PCDHGB3: variants seen among roughly 807,000 people sequenced by gnomAD.
PCDHGB3 encodes protocadherin gamma-B3.
PCDHGB3 carries 40 observed loss-of-function variants against 59.2 expected under a neutral mutation model. The ratio of observed to expected loss-of-function variants is 0.68; its 90% CI spans 0.52 to 0.88. PCDHGB3 has a LOEUF of 0.88. PCDHGB3 is among the 40% of genes least tolerant of loss of function. PCDHGB3 has a pLI of 0.00. For missense variants in PCDHGB3, 1,309 were observed against 1,187.9 expected, an observed-to-expected ratio of 1.10 and a Z score of -1.50; for synonymous variants, 581 against 503.6, an observed-to-expected ratio of 1.15 and a Z score of -2.06.
chr5:141,507,631 C>A (rs1435446169), intron 3 of PCDHGB3, among the ~76,000 whole-genome samples: 1 of 152,236 alleles, frequency 6.6e-6, no homozygotes, highest in Non-Finnish European at 1.5e-5. Context: ...TGTGGCCTTG[C>A]GCCCTGAGGC....
intron 1 of PCDHGB3, among the ~76,000 whole-genome samples, chr5:141,407,384 G>A (rs911492449): frequency 1.3e-5 from 2 of 152,182 alleles, no homozygotes; most frequent in Non-Finnish European, 2.9e-5. Flanking sequence ...AGGCTTGTAT[G>A]TCATGGTAGG....
chr5:141,419,119 C>T lies in PCDHGB3; in HGVS notation c.2415+46310C>T. 2.5e-6 allele frequency: 4 copies of T among 1,613,896 alleles called. No individual in the cohort carries two copies. The South Asian group carries it at 3.3e-5, about 13-fold the overall frequency. Reference sequence around the variant, plus strand: ...GGGAGCAGACCCCAGAGTACAACGTCACCATCGCAGCCACAGACAGGGGCA... The same window carrying T: ...GGGAGCAGACCCCAGAGTACAACGTTACCATCGCAGCCACAGACAGGGGCA... On this transcript the variant is annotated intron_variant, in intron 1 of 3. Coordinates refer to ENST00000576222, the MANE Select transcript of PCDHGB3 (RefSeq NM_018924.5).
chr5:141,482,530 C>CAAAAAAAAAAA (rs3074545), intron 1 of PCDHGB3, among the ~76,000 whole-genome samples: 21 of 76,546 alleles, frequency 2.7e-4, no homozygotes, highest in African/African-American at 4.8e-4. Context: ...GACAGACATG[C>CAAAAAAAAAAA]AAAAAAAAAA....
chr5:141,380,753 C>T (rs976627974), intron 1 of PCDHGB3, among the ~76,000 whole-genome samples: 2 of 152,104 alleles, frequency 1.3e-5, no homozygotes, highest in Non-Finnish European at 2.9e-5. Context: ...GGTACCAAGA[C>T]ACTATAAATT....
intron 1 of PCDHGB3, chr5:141,392,827 A>G: frequency 2.5e-6 from 4 of 1,601,944 alleles, no homozygotes; most frequent in Non-Finnish European, 3.4e-6. Flanking sequence ...GCCGCTCCAC[A>G]GAGTCGCCCC....
chr5:141,413,485 G>C lies in PCDHGB3; in HGVS notation c.2415+40676G>C, dbSNP rs184712199. ...CCGGGAGGAGCTCTGCGCTCAGAGC[G>C]CGCGGTGCGTGGTGAGTTTTAATAT... is the stretch of plus-strand genomic sequence containing the variant. On this transcript the variant is annotated intron_variant, in intron 1 of 3. Coordinates refer to ENST00000576222, the MANE Select transcript of PCDHGB3 (RefSeq NM_018924.5). 439 of 1,614,058 alleles carry C rather than the reference G, an allele frequency of 2.7e-4. 1 individual carries two copies. In the African/African-American group the frequency reaches 4.6e-3, roughly 17 times the overall value.
chr5:141,417,875 G>A, intron 1 of PCDHGB3: 1 of 1,556,360 alleles, frequency 6.4e-7, no homozygotes, highest in South Asian at 1.2e-5. Flanking sequence ...AGGGAGCTGC[G>A]CGCAGAGGCG....
chr5:141,462,183 C>A (rs1439465872), intron 1 of PCDHGB3, among the ~76,000 whole-genome samples: 1 of 152,158 alleles, frequency 6.6e-6, no homozygotes. Flanking sequence ...TGGTCTTGAA[C>A]TCCTGACCTC....
At chr5:141,399,532 C>G (rs552966531) in intron 1 of PCDHGB3, 28 of 1,614,066 alleles carry the variant, frequency 1.7e-5, no homozygotes, top group Non-Finnish European at 2.2e-5. Flanking sequence ...CTCCATCGCG[C>G]AAGTCTGCGC....
At chr5:141,415,066 C>A in intron 1 of PCDHGB3, 1 of 1,613,410 alleles carries the variant, frequency 6.2e-7, no homozygotes, top group Non-Finnish European at 8.5e-7. Flanking sequence ...GGGCGAGGTG[C>A]GCACGGCGCG....
intron 1 of PCDHGB3, among the ~76,000 whole-genome samples, chr5:141,443,131 A>G (rs1042010214): frequency 7.2e-5 from 11 of 152,144 alleles, no homozygotes; most frequent in Non-Finnish European, 1.6e-4. Context: ...GATTAAGAAC[A>G]CTATCATAAG....
chr5:141,420,492 TC>T (rs1172385190), intron 1 of PCDHGB3: 8 of 508,012 alleles, frequency 1.6e-5, no homozygotes, highest in Non-Finnish European at 1.8e-5. Flanking sequence ...ATGGGTAATC[TC>T]CGGTGACATT....
chr5:141,403,049 T>A, intron 1 of PCDHGB3: 1 of 1,614,056 alleles, frequency 6.2e-7, no homozygotes, highest in Non-Finnish European at 8.5e-7. Context: ...TCAGATTCGC[T>A]ACTCAGTGCC....
In PCDHGB3 at chr5:141,432,091, C is replaced by A. The variant is rs370491149; in HGVS notation, c.2415+59282C>A. ...CTCATATCTCGCTGAACGTGGCAGA[C>A]ACCAACGACAACCCGCCGGTCTTCC... On this transcript the variant is annotated intron_variant, in intron 1 of 3. Coordinates refer to ENST00000576222, the MANE Select transcript of PCDHGB3 (RefSeq NM_018924.5). This position sits in a 1 kb window ranked among gnomAD's most constrained non-coding sequence, Gnocchi z 6.0. 6.2e-7 allele frequency: 1 copy of A among 1,614,056 alleles called. No individual in the cohort carries two copies. Among genetic ancestry groups the A allele is most frequent in the African/African-American group, 1.3e-5 (1 of 74,908 alleles).
intron 1 of PCDHGB3, chr5:141,382,848 A>G (rs543706507): frequency 5.5e-4 from 813 of 1,490,648 alleles, no homozygotes; most frequent in Non-Finnish European, 6.7e-4. Flanking sequence ...ATACACCCGC[A>G]TTCTGAAGCA....
chr5:141,477,845 GT>G lies in PCDHGB3; in HGVS notation c.2416-16961del, dbSNP rs1562065234. ...ATATCCTCGGCCAGGTGGGAGCTCG[GT>G]GGAGATGCTGCCTCGAGGTACCTCA... is the stretch of plus-strand genomic sequence containing the variant. On this transcript the variant is annotated intron_variant, in intron 1 of 3. Coordinates refer to ENST00000576222, the MANE Select transcript of PCDHGB3 (RefSeq NM_018924.5). This position sits in a 1 kb window ranked among gnomAD's most constrained non-coding sequence, Gnocchi z 4.9. 1 of 1,614,038 alleles carries G rather than the reference GT, an allele frequency of 6.2e-7. No homozygotes were observed. Among genetic ancestry groups the G allele is most frequent in the East Asian group, 2.2e-5 (1 of 44,896 alleles).
intron 1 of PCDHGB3, chr5:141,388,295 C>A (rs766909730): frequency 8.1e-6 from 13 of 1,613,442 alleles, no homozygotes; most frequent in Non-Finnish European, 1.1e-5. Flanking sequence ...CGCAAAATTC[C>A]TTTGAGCTGC....
rs70988800 is a variant in PCDHGB3 at position 141,379,889 on chromosome 5, C to CTTTTTTTTTTTTTTTTTTTTTTTTTTTTT, written c.2415+7082_2415+7110dup. On this transcript the variant is annotated intron_variant, in intron 1 of 3. Coordinates refer to ENST00000576222, the MANE Select transcript of PCDHGB3 (RefSeq NM_018924.5). The stretch of plus-strand genomic sequence containing the variant: ...CTTATTTTATGGTCTGTGAAAGCCT[C>CTTTTTTTTTTTTTTTTTTTTTTTTTTTTT]TTTTTTTTTTTTTTTTTTTTTTTTT... Among the ~76,000 whole-genome samples the CTTTTTTTTTTTTTTTTTTTTTTTTTTTTT allele has an allele frequency of 3.3e-4, 17 of 50,832 alleles. 3 individuals are homozygous for CTTTTTTTTTTTTTTTTTTTTTTTTTTTTT. Among genetic ancestry groups the CTTTTTTTTTTTTTTTTTTTTTTTTTTTTT allele is most frequent in the Non-Finnish European group, 5.0e-4 (13 of 25,882 alleles). 33.3% of individuals were successfully genotyped at this position (50,832 alleles called of 152,430 possible).
In PCDHGB3 at chr5:141,485,713, G is replaced by A. The variant is rs769162337; in HGVS notation, c.2416-9094G>A. The stretch of plus-strand genomic sequence containing the variant: ...TGAGCTCCAATGAACACTTTGCACT[G>A]GATGTGAAGAAGCGCAGCGACGGCA... On this transcript the variant is annotated intron_variant, in intron 1 of 3. Transcript: ENST00000576222. The surrounding 1 kb of genome is among the most constrained non-coding windows in gnomAD (Gnocchi z 5.7). 2 of 1,614,084 alleles carry A rather than the reference G, an allele frequency of 1.2e-6. No homozygotes were observed. The highest frequency in any genetic ancestry group is 1.3e-5 in the African/African-American group (1 of 74,942).
Sources: gnomAD v4.1 joint callset for allele counts (sites outside exome capture counted in the v4.1 genomes callset) on GRCh38, gnomAD v4.1.1 for gene constraint, Gnocchi (gnomAD v3.1) non-coding constraint, MANE v1.5 for transcripts, NCBI Gene and HGNC (gene_info 2026-07-23, HGNC 2026-07-21) for gene names.